The following TACO1 variants were observed in gnomAD, a reference collection of about 807,000 sequenced individuals.
The protein encoded by TACO1 is translational activator of cytochrome c oxidase 1.
A neutral mutation model predicts 24.0 loss-of-function variants in TACO1; 13 were observed. That is an observed-to-expected ratio of 0.54 (90% CI 0.35 to 0.86). The LOEUF is 0.86. Ranked by LOEUF, TACO1 falls within the 40% of genes least tolerant of loss-of-function variation. The probability of loss-of-function intolerance (pLI) is 0.01; values close to 1 mark genes in which losing one functional copy is unlikely to be tolerated. For missense variants in TACO1, 352 were observed against 380.1 expected (o/e 0.93, Z 0.61); for synonymous variants, 149 against 153.5 (o/e 0.97, Z 0.22).
rs750844736 is a variant in TACO1, at chr17:63,604,521, CT to C, written c.281-10del. The C allele has an allele frequency of 2.5e-5, 40 of 1,608,796 alleles. No individual in the cohort carries two copies. The highest frequency in any genetic ancestry group is 3.4e-5 in the Non-Finnish European group (40 of 1,176,130). On this transcript the variant is annotated splice_polypyrimidine_tract_variant and intron_variant, in intron 1 of 4. Coordinates refer to ENST00000258975, the MANE Select transcript of TACO1 (RefSeq NM_016360.4). ...TTTGCTCACTCTTTTTTTTCTTTTT[CT>C]TTAAATCTCAGAAGGAGGCCCCAAC... is the stretch of plus-strand genomic sequence containing the variant.
intron 2 of TACO1, among the ~76,000 whole-genome samples, chr17:63,606,086 T>C (rs2033859647): frequency 6.6e-6 from 1 of 152,076 alleles, no homozygotes; most frequent in African/African-American, 2.4e-5. Context: ...AGATGGCTGA[T>C]GGATTGTTCA....
chr17:63,607,012 C>T, intron 3 of TACO1: 1 of 525,994 alleles, frequency 1.9e-6, no homozygotes, highest in Non-Finnish European at 3.4e-6. Flanking sequence ...TTAAAATGCT[C>T]CACCAGGACT....
At chr17:63,604,421 A>T (rs1356878566) in intron 1 of TACO1, 113 bp from the exon 2 acceptor site, 1 of 850,982 alleles carries the variant, frequency 1.2e-6, no homozygotes, top group African/African-American at 1.7e-5. Flanking sequence ...CTGAGAGCTA[A>T]ATGGTGATTT....
chr17:63,602,875 G>T (rs1259285971), intron 1 of TACO1, among the ~76,000 whole-genome samples: 3 of 152,090 alleles, frequency 2.0e-5, no homozygotes, highest in African/African-American at 7.2e-5. Flanking sequence ...CATGCCATTG[G>T]TACTAGAAAG....
intron 1 of TACO1, among the ~76,000 whole-genome samples, 179 bp from the exon 2 acceptor site, chr17:63,604,355 C>A (rs553024652): frequency 1.3e-5 from 2 of 152,140 alleles, no homozygotes; most frequent in Non-Finnish European, 2.9e-5. Flanking sequence ...ACCAAAAAAA[C>A]CCGAAAATAC....
rs1032757935 is a variant in TACO1 at position 63,607,095 on chromosome 17, G to A, written c.516-192G>A. 7.9e-6 allele frequency: 5 copies of A among 631,592 alleles called. No individual in the cohort carries two copies. The East Asian group carries it at 1.4e-4, about 18-fold the overall frequency. The allele number at this position is 631,592 out of a possible 1,614,324, so 39.1% of individuals were successfully genotyped here. On this transcript the variant is annotated intron_variant, in intron 3 of 4. Coordinates refer to ENST00000258975, the MANE Select transcript of TACO1 (RefSeq NM_016360.4). The stretch of plus-strand genomic sequence containing the variant: ...AACTGCAATCAGGGCAGAAAATCGA[G>A]CGTGGGGACATTCTTGGGCTGTTCC...
In TACO1 at chr17:63,607,419, G is replaced by A. The variant is rs1286408114; in HGVS notation, c.648G>A (p.Glu216=). 1.9e-6 allele frequency: 3 copies of A among 1,614,184 alleles called. No individual in the cohort carries two copies. Among genetic ancestry groups the A allele is most frequent in the Non-Finnish European group, 2.5e-6 (3 of 1,180,034 alleles). The change falls in exon 4 of 5, where the codon GAG becomes GAA. Residue 216 remains glutamate, a synonymous_variant. Transcript: ENST00000258975. ...AGATGGCAATCGAAGCAGGAGCTGA[G>A]GATGTCAAGGAAACTGAAGATGAAG... ...ALEMAIEAGA[E]DVKETEDEEE...
intron 1 of TACO1, among the ~76,000 whole-genome samples, chr17:63,601,980 C>T (rs930739626): frequency 3.3e-5 from 5 of 151,158 alleles, no homozygotes; most frequent in Admixed American, 6.6e-5. Context: ...TTGGACTGGG[C>T]GCAGTGGCAC....
In TACO1 at chr17:63,604,645, G is replaced by A; in HGVS notation, c.387+5G>A. ...GAGACAGCACTGAAAATGGAGGTGTGTACTGTTTGACATGCTTTTTATTGA... is the reference window on the plus strand; with the variant it reads ...GAGACAGCACTGAAAATGGAGGTGTATACTGTTTGACATGCTTTTTATTGA... On this transcript the variant is annotated splice_donor_5th_base_variant and intron_variant, in intron 2 of 4. Coordinates refer to ENST00000258975, the MANE Select transcript of TACO1 (RefSeq NM_016360.4). The A allele has an allele frequency of 3.7e-6, 6 of 1,612,754 alleles. No homozygotes were observed. The highest frequency in any genetic ancestry group is 5.1e-6 in the Non-Finnish European group (6 of 1,178,786).
At position 63,606,352 on chromosome 17, in the gene TACO1, C is replaced by T; in HGVS notation, c.427C>T (p.Pro143Ser). 1 of 1,614,016 alleles carries T rather than the reference C, an allele frequency of 6.2e-7. No homozygotes were observed. The highest frequency in any genetic ancestry group is 8.5e-7 in the Non-Finnish European group (1 of 1,180,024). ...TTATTTGCTGTATGAGGGTCGAGGC[C>T]CTGGTGGCTCTTCTCTGCTCATCGA... ...DTYLLYEGRG[P>S]GGSSLLIEAL... Residue 143 changes from proline to serine, a missense_variant, in exon 3 of 5, where the codon CCT becomes TCT. Physicochemically the swap from Pro to Ser is moderately conservative, Grantham distance 74. Transcript: ENST00000258975.
rs2033821506 is a variant in TACO1 at position 63,601,497 on chromosome 17, T to C, written c.280+134T>C. 5 of 966,428 alleles carry C rather than the reference T, an allele frequency of 5.2e-6. No homozygotes were observed. The South Asian group carries it at 5.6e-5, about 11-fold the overall frequency. 59.9% of individuals were successfully genotyped at this position (966,428 alleles called of 1,614,324 possible). On this transcript the variant is annotated intron_variant, in intron 1 of 4. Transcript: ENST00000258975. ...GTTTTCCTTCCCCAGTACCCACCAT[T>C]GCCCACCTCATAAATCCTCAAAACA...
rs35252424 is a variant in TACO1 at position 63,606,358 on chromosome 17, G to A, written c.433G>A (p.Gly145Ser). ...GCTGTATGAGGGTCGAGGCCCTGGT[G>A]GCTCTTCTCTGCTCATCGAGGCATT... ...YLLYEGRGPGGSSLLIEALSN... is the reference protein window; with the variant it reads ...YLLYEGRGPGSSSLLIEALSN... Residue 145 changes from glycine (G) to serine (S), a missense_variant, in exon 3 of 5, where the codon GGC becomes AGC. Coordinates refer to ENST00000258975, the MANE Select transcript of TACO1 (RefSeq NM_016360.4). 2.7e-3 allele frequency: 4,291 copies of A among 1,614,034 alleles called. 89 individuals carry two copies. In the African/African-American group the frequency reaches 0.046, roughly 17 times the overall value.
At position 63,608,105 on chromosome 17, in the gene TACO1, C is replaced by G; in HGVS notation, c.*103C>G. 3.0e-6 allele frequency: 4 copies of G among 1,342,254 alleles called. No homozygotes were observed. Among genetic ancestry groups the G allele is most frequent in the Non-Finnish European group, 4.2e-6 (4 of 958,966 alleles). 83.1% of individuals were successfully genotyped at this position (1,342,254 alleles called of 1,614,324 possible). On this transcript the variant is annotated 3_prime_UTR_variant, in exon 5 of 5. Transcript: ENST00000258975. The stretch of plus-strand genomic sequence containing the variant: ...CTGAGGGTAAAGCCGGTGGGAGGCT[C>G]AGCAGGCCAGGAGGCCCAAGGACAG...
At position 63,606,441 on chromosome 17, in the gene TACO1, G is replaced by A. The variant is rs1250676777; in HGVS notation, c.515+1G>A. The A allele has an allele frequency of 6.2e-7, 1 of 1,614,160 alleles. No homozygotes were observed. Among genetic ancestry groups the A allele is most frequent in the Non-Finnish European group, 8.5e-7 (1 of 1,179,970 alleles). ...TTAGACATATCCTGAATAAGAATGG[G>A]TAAGTGTGCGTCTGGGAGGAGTGGT... On this transcript the variant is annotated splice_donor_variant, in intron 3 of 4. Transcript: ENST00000258975. LOFTEE classifies it high-confidence loss of function.
rs1289355644 is a variant in TACO1, at chr17:63,608,000, T to C, written c.892T>C (p.Ter298GlnextTer11). The change falls in exon 5 of 5, where the codon TAA becomes CAA. Residue 298 changes from the stop codon to glutamine (Q), a stop_lost. Transcript: ENST00000258975. ...DVIHVYDNIE[*>Q] ...GATTCACGTCTATGATAACATTGAA[T>C]AACCAGGCTACATGTGCCCCCGGGT... 1 of 1,614,080 alleles carries C rather than the reference T, an allele frequency of 6.2e-7. No homozygotes were observed. Among genetic ancestry groups the C allele is most frequent in the Admixed American group, 1.7e-5 (1 of 60,018 alleles).
At chr17:63,607,697 C>T in intron 4 of TACO1, 105 bp from the exon 5 acceptor site, 4 of 1,159,684 alleles carry the variant, frequency 3.4e-6, no homozygotes, top group Non-Finnish European at 5.1e-6. Flanking sequence ...GAGCTCAAAC[C>T]CAGTGATCCA....
rs879089362 is a variant in TACO1, at chr17:63,606,296, T to C, written c.388-17T>C. The C allele has an allele frequency of 2.5e-6, 4 of 1,612,560 alleles. No homozygotes were observed. The highest frequency in any genetic ancestry group is 3.4e-6 in the Non-Finnish European group (4 of 1,180,014). On this transcript the variant is annotated splice_polypyrimidine_tract_variant and intron_variant, in intron 2 of 4. Transcript: ENST00000258975. ...GAATTGGGAAACAGGAAAATGTGCT[T>C]GTGTTGTTTATTGCAGAAATCCAAG... is the stretch of plus-strand genomic sequence containing the variant.
At position 63,607,951 on chromosome 17, in the gene TACO1, G is replaced by T; in HGVS notation, c.843G>T (p.Gln281His). ...TGGAACAGGCCGCACATCTCATTCAGGCTCTCAGCAACCACGAGGATGTGA... is the reference window on the plus strand; with the variant it reads ...TGGAACAGGCCGCACATCTCATTCATGCTCTCAGCAACCACGAGGATGTGA... ...PDLEQAAHLIQALSNHEDVIH... is the reference protein window; with the variant it reads ...PDLEQAAHLIHALSNHEDVIH... The change falls in exon 5 of 5, where the codon CAG (glutamine) becomes CAT (histidine). Residue 281 changes from glutamine (Q) to histidine (H), a missense_variant. Coordinates refer to ENST00000258975, the MANE Select transcript of TACO1 (RefSeq NM_016360.4). The T allele has an allele frequency of 6.2e-7, 1 of 1,614,190 alleles. No individual in the cohort carries two copies. Among genetic ancestry groups the T allele is most frequent in the Non-Finnish European group, 8.5e-7 (1 of 1,180,040 alleles).
chr17:63,604,726 C>G (rs1202519479), intron 2 of TACO1, 86 bp downstream of exon 2: 7 of 1,248,982 alleles, frequency 5.6e-6, no homozygotes, highest in Non-Finnish European at 8.2e-6. Flanking sequence ...TGTAAATTAT[C>G]AGAGGGGCCA....
Sources: gnomAD v4.1 joint callset for allele counts (sites outside exome capture counted in the v4.1 genomes callset) on GRCh38, gnomAD v4.1.1 for gene constraint, MANE v1.5 for transcripts, NCBI Gene and HGNC (gene_info 2026-07-23, HGNC 2026-07-21) for gene names.